PRUNE2: variants seen among roughly 807,000 people sequenced by gnomAD.
PRUNE2 encodes protein prune homolog 2.
Under a neutral mutation model 252.0 loss-of-function variants are expected in PRUNE2, and 164 were observed. The observed-to-expected ratio is 0.65, with a 90% CI of 0.57 to 0.74. PRUNE2 has a LOEUF of 0.74. Ranked by LOEUF, PRUNE2 falls within the 30% of genes least tolerant of loss-of-function variation. PRUNE2 has a pLI of 0.00. For synonymous variants in PRUNE2, 1,292 were observed against 1,350.2 expected, an observed-to-expected ratio of 0.96 and a Z score of 0.94; for missense variants, 3,495 against 3,711.0, an observed-to-expected ratio of 0.94 and a Z score of 1.51.
At chr9:76,861,389 A>T (rs567843990) in intron 1 of PRUNE2, among the ~76,000 whole-genome samples, 1 of 152,292 alleles carries the variant, frequency 6.6e-6, no homozygotes, top group East Asian at 1.9e-4. Flanking sequence ...AATTATGAGA[A>T]ATTTAAAATC....
intron 6 of PRUNE2, among the ~76,000 whole-genome samples, chr9:76,789,558 G>A (rs1204445623): frequency 2.0e-5 from 3 of 152,082 alleles, no homozygotes; most frequent in African/African-American, 4.8e-5. Flanking sequence ...AAACAGAGAC[G>A]ACTACTGGCA....
At chr9:76,865,848 C>CA (rs1554817363) in intron 1 of PRUNE2, among the ~76,000 whole-genome samples, 4 of 142,304 alleles carry the variant, frequency 2.8e-5, no homozygotes, top group East Asian at 2.0e-4. Flanking sequence ...CACACACACA[C>CA]CAGAGCATTA....
At position 76,647,861 on chromosome 9, in the gene PRUNE2, C is replaced by A. The variant is rs1408199966; in HGVS notation, c.8558-2952G>T. Among the ~76,000 whole-genome samples the A allele has an allele frequency of 3.3e-5, 5 of 152,118 alleles. No individual in the cohort carries two copies. The East Asian group carries it at 9.6e-4, about 29-fold the overall frequency. ...TCTGTAATCCCAGCTACTTGGGAGG[C>A]TGACACAGGGGAATCGCTTGAACCC... On this transcript the variant is annotated intron_variant, in intron 11 of 18. Transcript: ENST00000376718.
chr9:76,882,580 G>T (rs1263153477), intron 1 of PRUNE2, among the ~76,000 whole-genome samples: 2 of 152,182 alleles, frequency 1.3e-5, no homozygotes, highest in East Asian at 3.9e-4. Context: ...TGGAAAGAAA[G>T]CGGGGAGCAA....
intron 9 of PRUNE2, among the ~76,000 whole-genome samples, chr9:76,668,779 C>A (rs1226174910): frequency 6.6e-6 from 1 of 151,718 alleles, no homozygotes; most frequent in African/African-American, 2.4e-5. Context: ...CTGCCTCTGG[C>A]TGGGGACTTC....
At position 76,624,455 on chromosome 9, in the gene PRUNE2, G is replaced by A. The variant is rs370119063; in HGVS notation, c.9185C>T (p.Ala3062Val). The change falls in exon 17 of 19, where the codon GCT becomes GTT. Residue 3062 changes from alanine (A) to valine (V), a missense_variant. Ala to Val is a moderately conservative substitution (Grantham distance 64). Coordinates refer to ENST00000376718, the MANE Select transcript of PRUNE2 (RefSeq NM_015225.3). The stretch of plus-strand genomic sequence containing the variant: ...CTAAACGAAAACCAAGTCTTACTTA[G>A]CTGCCTCTGATGCTTCCCTCAGTTC... ...DEELREASEA[A>V]KTSCLYNDPE... is the part of the protein sequence containing the mutation. 2.6e-5 allele frequency: 37 copies of A among 1,426,738 alleles called. No individual in the cohort carries two copies. Among genetic ancestry groups the A allele is most frequent in the Non-Finnish European group, 3.4e-5 (37 of 1,084,852 alleles). 88.4% of individuals were successfully genotyped at this position (1,426,738 alleles called of 1,614,324 possible).
chr9:76,861,170 G>A (rs113425257), intron 1 of PRUNE2, among the ~76,000 whole-genome samples: 2,124 of 152,240 alleles, frequency 0.014, 51 homozygotes, highest in African/African-American at 0.048. Flanking sequence ...GTCCAGAGGC[G>A]AGGCAAACAC....
chr9:76,678,605 G>A (rs946253544), intron 9 of PRUNE2, among the ~76,000 whole-genome samples: 5 of 152,024 alleles, frequency 3.3e-5, no homozygotes, highest in Non-Finnish European at 1.5e-5. Context: ...CGAGATGGGC[G>A]GATGACGAGG....
chr9:76,625,904 T>C (rs2132180443), intron 16 of PRUNE2, among the ~76,000 whole-genome samples: 1 of 152,326 alleles, frequency 6.6e-6, no homozygotes, highest in Middle Eastern at 3.4e-3. Context: ...AATACTGTAT[T>C]GGGAATACTA....
rs1447558948 is a variant in PRUNE2, at chr9:76,713,762, C to T, written c.757-41G>A. ...GAAATTTGATATTAATGTCAAACTG[C>T]CCAGCTGCGGGGAGTTGTTCCACAA... On this transcript the variant is annotated intron_variant, in intron 6 of 18. Transcript: ENST00000376718. 5 of 1,472,364 alleles carry T rather than the reference C, an allele frequency of 3.4e-6. No individual in the cohort carries two copies. The South Asian group carries it at 5.1e-5, about 15-fold the overall frequency. 91.2% of individuals were successfully genotyped at this position (1,472,364 alleles called of 1,614,324 possible).
intron 6 of PRUNE2, among the ~76,000 whole-genome samples, chr9:76,752,544 T>C (rs2050732208): frequency 6.6e-6 from 1 of 152,036 alleles, no homozygotes; most frequent in Admixed American, 6.5e-5. Flanking sequence ...TTTTTCCTTA[T>C]ATGGAAGTAA....
intron 1 of PRUNE2, chr9:76,869,209 G>C (rs2061039523): frequency 6.6e-6 from 1 of 152,224 alleles, no homozygotes; most frequent in Non-Finnish European, 1.5e-5. Context: ...CCACACACCT[G>C]GCATGTCTGA....
intron 6 of PRUNE2, among the ~76,000 whole-genome samples, chr9:76,800,080 T>C (rs2056438977): frequency 6.6e-6 from 1 of 152,168 alleles, no homozygotes; most frequent in East Asian, 1.9e-4. Flanking sequence ...CTTTAAGTTC[T>C]AGGGTACATG....
At chr9:76,614,630 A>G (rs958939086) in intron 18 of PRUNE2, 30 bp from the exon 19 acceptor site, 2 of 1,581,830 alleles carry the variant, frequency 1.3e-6, no homozygotes, top group African/African-American at 2.7e-5. Context: ...AGAGAGAAAC[A>G]TGAGAAACCA....
At chr9:76,764,105 G>T (rs2052053101) in intron 6 of PRUNE2, among the ~76,000 whole-genome samples, 1 of 152,168 alleles carries the variant, frequency 6.6e-6, no homozygotes, top group South Asian at 2.1e-4. Context: ...GATTCACAGA[G>T]CAAATACTTC....
chr9:76,800,874 T>C (rs1450464303), intron 6 of PRUNE2, among the ~76,000 whole-genome samples: 2 of 152,224 alleles, frequency 1.3e-5, no homozygotes, highest in African/African-American at 4.8e-5. Context: ...ATTTTATACT[T>C]AACATTTTTC....
chr9:76,710,467 T>G lies in PRUNE2; in HGVS notation c.1807A>C (p.Asn603His), dbSNP rs772186247. The stretch of plus-strand genomic sequence containing the variant: ...GTTGGTGGGATCCTCTTTCCAGTAT[T>G]TTTTAGCCTTTCTGGGGAAGGGGAT... ...DESPSPERLK[N>H]TGKRIPPTPM... The change falls in exon 8 of 19, where the codon AAT (asparagine) becomes CAT (histidine). Residue 603 changes from asparagine (N) to histidine (H), a missense_variant. By Grantham distance (68) the Asn-to-His change is moderately conservative. Coordinates refer to ENST00000376718, the MANE Select transcript of PRUNE2 (RefSeq NM_015225.3). 3 of 1,613,862 alleles carry G rather than the reference T, an allele frequency of 1.9e-6. No individual in the cohort carries two copies. The highest frequency in any genetic ancestry group is 2.5e-6 in the Non-Finnish European group (3 of 1,179,898).
chr9:76,718,780 T>C (rs1200794376), intron 6 of PRUNE2, among the ~76,000 whole-genome samples: 1 of 152,162 alleles, frequency 6.6e-6, no homozygotes, highest in African/African-American at 2.4e-5. Flanking sequence ...GATCTGCATG[T>C]AGCTGTTTAA....
chr9:76,706,841 G>A lies in PRUNE2; in HGVS notation c.5433C>T (p.Asn1811=), dbSNP rs368183369. The A allele has an allele frequency of 1.3e-5, 21 of 1,595,722 alleles. No homozygotes were observed. The highest frequency in any genetic ancestry group is 1.2e-4 in the African/African-American group (9 of 74,294). The change falls in exon 8 of 19, where the codon AAC becomes AAT. Residue 1811 remains asparagine, a synonymous_variant. Transcript: ENST00000376718. ...QISPKASFPK[N]EDNSQLEMLG... is the part of the protein sequence containing the mutation. ...GCATTTCCAGTTGAGAATTATCTTC[G>A]TTCTTTGGGAACGAAGCTTTGGGAG...
Sources: gnomAD v4.1 joint callset for allele counts (sites outside exome capture counted in the v4.1 genomes callset) on GRCh38, gnomAD v4.1.1 for gene constraint, MANE v1.5 for transcripts, NCBI Gene and HGNC (gene_info 2026-07-23, HGNC 2026-07-21) for gene names.